The following CATSPERE variants were observed in gnomAD, a reference collection of about 807,000 sequenced individuals.
CATSPERE encodes cation channel sperm-associated auxiliary subunit epsilon.
Under a neutral mutation model 114.1 loss-of-function variants are expected in CATSPERE, and 93 were observed. The observed-to-expected ratio is 0.81, with a 90% CI of 0.69 to 0.97. The LOEUF is 0.97. CATSPERE is among the 50% of genes least tolerant of loss of function. The pLI, the probability that CATSPERE is intolerant of heterozygous loss-of-function variation, is 0.00. For missense variants in CATSPERE, 1,058 were observed against 1,131.6 expected (o/e 0.93, Z 0.93); for synonymous variants, 341 against 384.1 (o/e 0.89, Z 1.31).
chr1:244,621,249 T>C lies in CATSPERE; in HGVS notation c.2648+3563T>C, dbSNP rs1395984495. 4.5e-3 allele frequency among the ~76,000 whole-genome samples: 448 copies of C among 99,898 alleles called. 33 individuals are homozygous for C. The highest frequency in any genetic ancestry group is 0.017 in the African/African-American group (368 of 21,766). The allele number at this position is 99,898 out of a possible 152,430, so 65.5% of individuals were successfully genotyped here. ...TATAAATATATTTATATAGATATAT[T>C]TATATAGATATATTTATATAGATAT... On this transcript the variant is annotated intron_variant, in intron 20 of 21. Transcript: ENST00000366534.
chr1:244,587,137 T>G (rs1264502043), intron 13 of CATSPERE, among the ~76,000 whole-genome samples: 1 of 152,192 alleles, frequency 6.6e-6, no homozygotes, highest in African/African-American at 2.4e-5. Flanking sequence ...AAGCTAATAG[T>G]CTCATCTTTA....
intron 7 of CATSPERE, among the ~76,000 whole-genome samples, chr1:244,500,782 G>A (rs561185871): frequency 6.6e-6 from 1 of 152,156 alleles, no homozygotes; most frequent in Non-Finnish European, 1.5e-5. Flanking sequence ...GTAGCGTGAT[G>A]CCTCTAGCTT....
At chr1:244,555,441 G>T (rs1348427451) in intron 9 of CATSPERE, among the ~76,000 whole-genome samples, 1 of 148,028 alleles carries the variant, frequency 6.8e-6, no homozygotes, top group African/African-American at 2.5e-5. Context: ...AATTATAAAA[G>T]CCATATATAA....
At chr1:244,583,976 T>G in intron 13 of CATSPERE, 37 bp downstream of exon 13, 1 of 1,578,998 alleles carries the variant, frequency 6.3e-7, no homozygotes. Flanking sequence ...ATATTTCACT[T>G]CAAGAATGTA....
chr1:244,473,167 T>C (rs1168605234), intron 2 of CATSPERE, among the ~76,000 whole-genome samples: 1 of 152,122 alleles, frequency 6.6e-6, no homozygotes, highest in Non-Finnish European at 1.5e-5. Context: ...TATGTTTAGT[T>C]TTGTAAGAAA....
At chr1:244,606,444 CA>C (rs112674406) in intron 18 of CATSPERE, among the ~76,000 whole-genome samples, 50 of 132,602 alleles carry the variant, frequency 3.8e-4, no homozygotes, top group South Asian at 9.7e-4. Flanking sequence ...ATTTCACTCG[CA>C]AAAAAAAAAA....
intron 8 of CATSPERE, among the ~76,000 whole-genome samples, chr1:244,541,966 A>G (rs1282059796): frequency 1.5e-5 from 2 of 134,932 alleles, no homozygotes; most frequent in Non-Finnish European, 3.1e-5. Context: ...ATGAGAACAC[A>G]TGGACACAGG....
At chr1:244,451,374 G>A (rs1375084528), upstream of CATSPERE, among the ~76,000 whole-genome samples, 1 of 152,258 alleles carries the variant, frequency 6.6e-6, no homozygotes, top group South Asian at 2.1e-4. This position sits in a 1 kb window ranked among gnomAD's most constrained non-coding sequence, Gnocchi z 6.6. Flanking sequence ...GCCAGGCATC[G>A]CGCATCTCTC....
At chr1:244,579,918 T>C (rs906860348) in intron 11 of CATSPERE, among the ~76,000 whole-genome samples, 3 of 152,218 alleles carry the variant, frequency 2.0e-5, no homozygotes, top group African/African-American at 7.2e-5. Context: ...AATGAGTTAG[T>C]ATACATTAAG....
intron 13 of CATSPERE, 72 bp from the exon 14 acceptor site, chr1:244,588,410 G>A: frequency 8.9e-7 from 1 of 1,128,944 alleles, no homozygotes; most frequent in South Asian, 1.2e-5. Context: ...AATGCAATTG[G>A]TTTTAGCTGT....
At chr1:244,538,700 A>G (rs1680734044) in intron 8 of CATSPERE, among the ~76,000 whole-genome samples, 1 of 152,124 alleles carries the variant, frequency 6.6e-6, no homozygotes, top group Non-Finnish European at 1.5e-5. Context: ...CTAGGCCCAC[A>G]GTTTCCCCCA....
At chr1:244,604,719 C>T (rs1453866206) in intron 17 of CATSPERE, among the ~76,000 whole-genome samples, 1 of 152,240 alleles carries the variant, frequency 6.6e-6, no homozygotes, top group Non-Finnish European at 1.5e-5. Context: ...AGAAGGAAAA[C>T]ATGTAACCAT....
chr1:244,492,913 G>C (rs1404198720), intron 6 of CATSPERE, among the ~76,000 whole-genome samples: 1 of 150,002 alleles, frequency 6.7e-6, no homozygotes, highest in Non-Finnish European at 1.5e-5. Flanking sequence ...TCTTCAAGGA[G>C]AACTACAAAC....
intron 2 of CATSPERE, among the ~76,000 whole-genome samples, chr1:244,468,308 G>A (rs1260678190): frequency 6.6e-6 from 1 of 151,926 alleles, no homozygotes; most frequent in Non-Finnish European, 1.5e-5. Context: ...TAGCCAGGAT[G>A]GTCTCAATCT....
Position 244,490,366 on chromosome 1 carries a change from A to G in CATSPERE, c.327-81A>G, listed in dbSNP as rs575189997. ...AAAGAGAATATGCAAAGGTTTAGAA[A>G]CATGTATCTTGAAAGTAGAATATTC... is the stretch of plus-strand genomic sequence containing the variant. On this transcript the variant is annotated intron_variant, in intron 5 of 21. Coordinates refer to ENST00000366534, the MANE Select transcript of CATSPERE (RefSeq NM_001130957.2). 9 of 929,956 alleles carry G rather than the reference A, an allele frequency of 9.7e-6. No individual in the cohort carries two copies. In the African/African-American group the frequency reaches 1.5e-4, roughly 16 times the overall value. 57.6% of individuals were successfully genotyped at this position (929,956 alleles called of 1,614,324 possible).
chr1:244,545,317 G>A (rs1411529390), intron 8 of CATSPERE, among the ~76,000 whole-genome samples: 3 of 152,186 alleles, frequency 2.0e-5, no homozygotes, highest in African/African-American at 7.2e-5. Flanking sequence ...GGGCCTCTTT[G>A]GATTTTGGAG....
chr1:244,545,549 C>G (rs1487948117), intron 8 of CATSPERE, among the ~76,000 whole-genome samples: 1 of 152,180 alleles, frequency 6.6e-6, no homozygotes, highest in Non-Finnish European at 1.5e-5. Context: ...TAAATTGAAC[C>G]ACACTCCTTT....
chr1:244,460,173 C>A (rs1388756376), upstream of CATSPERE, among the ~76,000 whole-genome samples: 7 of 152,298 alleles, frequency 4.6e-5, no homozygotes, highest in East Asian at 1.2e-3. Context: ...CGGTAACAAC[C>A]CTTTCCCAAA....
intron 11 of CATSPERE, among the ~76,000 whole-genome samples, chr1:244,580,214 T>TA (rs1206594483): frequency 2.0e-5 from 3 of 148,298 alleles, no homozygotes; most frequent in South Asian, 4.2e-4. Flanking sequence ...TTTTTGTATT[T>TA]TTTTTTTTTT....
Sources: allele counts gnomAD v4.1 joint callset (sites outside exome capture counted in the v4.1 genomes callset), GRCh38; gene constraint gnomAD v4.1.1; non-coding constraint Gnocchi (gnomAD v3.1); transcripts MANE v1.5; gene names NCBI Gene and HGNC (gene_info 2026-07-23, HGNC 2026-07-21).